Variants in BCAS3 observed in about 807,000 individuals in gnomAD.
The protein encoded by BCAS3 is BCAS3 microtubule associated cell migration factor.
BCAS3 carries 53 observed loss-of-function variants against 116.1 expected under a neutral mutation model. The ratio of observed to expected loss-of-function variants is 0.46; its 90% CI spans 0.37 to 0.57. BCAS3 has a LOEUF of 0.57. BCAS3 is among the 20% of genes least tolerant of loss of function. BCAS3 has a pLI of 0.00. For missense variants in BCAS3, 917 were observed against 1,165.4 expected (o/e 0.79, Z 3.10); for synonymous variants, 391 against 408.2 (o/e 0.96, Z 0.51).
At chr17:61,058,731 A>G (rs1456570031) in intron 19 of BCAS3, among the ~76,000 whole-genome samples, 1 of 152,200 alleles carries the variant, frequency 6.6e-6, no homozygotes, top group Non-Finnish European at 1.5e-5. Flanking sequence ...CAGTATAGGT[A>G]TCTCTGATCA....
intron 22 of BCAS3, among the ~76,000 whole-genome samples, chr17:61,338,335 C>A (rs951163375): frequency 6.6e-6 from 1 of 152,166 alleles, no homozygotes; most frequent in Non-Finnish European, 1.5e-5. Flanking sequence ...TAAGCAAATT[C>A]AGCAGATTAA....
chr17:61,005,864 G>T (rs1442146630), intron 15 of BCAS3, among the ~76,000 whole-genome samples: 1 of 147,496 alleles, frequency 6.8e-6, no homozygotes, highest in East Asian at 2.0e-4. Context: ...AGTTACATAT[G>T]TATACATGTG....
intron 13 of BCAS3, among the ~76,000 whole-genome samples, chr17:60,944,817 A>G (rs1413966458): frequency 2.6e-5 from 4 of 152,184 alleles, no homozygotes; most frequent in Non-Finnish European, 5.9e-5. Flanking sequence ...TGAAAAATTC[A>G]ATTTTCTTTC....
rs1233115790 is a variant in BCAS3 at position 61,377,446 on chromosome 17, G to T, written c.2593+8952G>T. On this transcript the variant is annotated intron_variant, in intron 23 of 23. Transcript: ENST00000407086. This position sits in a 1 kb window ranked among gnomAD's most constrained non-coding sequence, Gnocchi z 4.6. The stretch of plus-strand genomic sequence containing the variant: ...CTGGCAGGAGAGGCCAAATCTGAGA[G>T]TCCTTTCAGTTCCCAGCACCAAGCT... Among the ~76,000 whole-genome samples, 1 of 152,218 alleles carries T rather than the reference G, an allele frequency of 6.6e-6. No homozygotes were observed. Among genetic ancestry groups the T allele is most frequent in the East Asian group, 1.9e-4 (1 of 5,192 alleles).
intron 22 of BCAS3, among the ~76,000 whole-genome samples, chr17:61,169,379 T>C (rs939115997): frequency 2.6e-5 from 4 of 152,216 alleles, no homozygotes; most frequent in Non-Finnish European, 5.9e-5. Flanking sequence ...GGTTTGAGAT[T>C]TTTGTATGTG....
intron 15 of BCAS3, among the ~76,000 whole-genome samples, chr17:61,006,043 C>G (rs141249827): frequency 6.6e-6 from 1 of 151,726 alleles, no homozygotes; most frequent in African/African-American, 2.4e-5. Flanking sequence ...TGAGAATATG[C>G]GGTGTTTGGT....
intron 14 of BCAS3, among the ~76,000 whole-genome samples, chr17:60,957,233 C>CT (rs2061179982): frequency 6.6e-6 from 1 of 152,136 alleles, no homozygotes; most frequent in African/African-American, 2.4e-5. Flanking sequence ...GTTAATTTTA[C>CT]CATTCTAGAA....
intron 15 of BCAS3, among the ~76,000 whole-genome samples, chr17:60,998,342 AT>A (rs951220729): frequency 6.6e-6 from 1 of 152,010 alleles, no homozygotes; most frequent in African/African-American, 2.4e-5. Flanking sequence ...AGAATGATTT[AT>A]TTTCTTTTGG....
chr17:60,717,140 G>A (rs1257215065), intron 5 of BCAS3, among the ~76,000 whole-genome samples: 3 of 152,092 alleles, frequency 2.0e-5, no homozygotes, highest in African/African-American at 7.2e-5. Flanking sequence ...ATTTGAGGGA[G>A]GAACACTCCA....
intron 5 of BCAS3, among the ~76,000 whole-genome samples, chr17:60,736,539 T>A (rs1376627024): frequency 1.3e-5 from 2 of 152,020 alleles, no homozygotes; most frequent in Non-Finnish European, 2.9e-5. Flanking sequence ...CCTAAAATGA[T>A]TTAGGAAGCA....
At chr17:60,737,318 T>G (rs991524502) in intron 5 of BCAS3, among the ~76,000 whole-genome samples, 8 of 152,176 alleles carry the variant, frequency 5.3e-5, no homozygotes, top group Admixed American at 1.3e-4. Flanking sequence ...AGTCTTAATT[T>G]TATTCATCAT....
At chr17:60,838,830 G>C (rs893398007) in intron 7 of BCAS3, among the ~76,000 whole-genome samples, 11 of 152,030 alleles carry the variant, frequency 7.2e-5, no homozygotes, top group Non-Finnish European at 1.3e-4. Context: ...TTACAGACAG[G>C]GTTTCATTAT....
chr17:61,055,259 T>C (rs2069258352), intron 19 of BCAS3, among the ~76,000 whole-genome samples: 1 of 152,218 alleles, frequency 6.6e-6, no homozygotes. Flanking sequence ...TGACTGGGAA[T>C]TTAGGAGGAA....
intron 22 of BCAS3, among the ~76,000 whole-genome samples, chr17:61,164,815 G>A (rs147478414): frequency 5.8e-4 from 89 of 152,316 alleles, no homozygotes; most frequent in African/African-American, 2.1e-3. Context: ...AACTAAGATA[G>A]CATTCTTCAT....
rs2054456172 is a variant in BCAS3, at chr17:61,313,144, A to G, written c.2426-55183A>G. ...AGGCTTAGACTACATAGTGATGACC[A>G]AAACAGTCTTTGGATTCATGGCAAT... On this transcript the variant is annotated intron_variant, in intron 22 of 23. Transcript: ENST00000407086. The surrounding 1 kb of genome is among the most constrained non-coding windows in gnomAD (Gnocchi z 4.3). 6.6e-6 allele frequency among the ~76,000 whole-genome samples: 1 copy of G among 152,250 alleles called. No individual in the cohort carries two copies. Among genetic ancestry groups the G allele is most frequent in the Non-Finnish European group, 1.5e-5 (1 of 68,048 alleles).
chr17:61,060,739 C>T (rs752202658), intron 19 of BCAS3, among the ~76,000 whole-genome samples: 11 of 152,204 alleles, frequency 7.2e-5, no homozygotes, highest in Non-Finnish European at 1.6e-4. Context: ...TACCAAGTTT[C>T]AACAATTTAC....
chr17:61,310,751 G>C (rs138085681), intron 22 of BCAS3, among the ~76,000 whole-genome samples: 335 of 152,270 alleles, frequency 2.2e-3, no homozygotes, highest in Non-Finnish European at 4.0e-3. Context: ...TCACCATCTA[G>C]TGCTAGAGAC....
chr17:61,271,975 A>G (rs1568721225), intron 22 of BCAS3, among the ~76,000 whole-genome samples: 1 of 151,260 alleles, frequency 6.6e-6, no homozygotes. Context: ...ATGCCCAGCT[A>G]TTTTTTTTAT....
intron 4 of BCAS3, among the ~76,000 whole-genome samples, chr17:60,703,571 AAATT>A (rs1019215552): frequency 5.3e-5 from 8 of 151,642 alleles, no homozygotes; most frequent in African/African-American, 1.9e-4. Context: ...CAAAAAAAAA[AAATT>A]AATTAAAATA....
Sources: gnomAD v4.1 joint callset for allele counts (sites outside exome capture counted in the v4.1 genomes callset) on GRCh38, gnomAD v4.1.1 for gene constraint, Gnocchi (gnomAD v3.1) non-coding constraint, MANE v1.5 for transcripts, NCBI Gene and HGNC (gene_info 2026-07-23, HGNC 2026-07-21) for gene names.